The following DST variants were observed in gnomAD, a reference collection of about 807,000 sequenced individuals.
The protein encoded by DST is bullous pemphigoid antigen.
Under a neutral mutation model 875.2 loss-of-function variants are expected in DST, and 253 were observed. That is an observed-to-expected ratio of 0.29 (90% confidence interval 0.26 to 0.32). DST has a LOEUF of 0.32. Ranked by LOEUF, DST falls within the 10% of genes least tolerant of loss-of-function variation. The probability of loss-of-function intolerance (pLI) is 1.00; values close to 1 mark genes in which losing one functional copy is unlikely to be tolerated. For synonymous variants in DST, 3,124 were observed against 3,197.1 expected, an observed-to-expected ratio of 0.98 and a Z score of 0.77; for missense variants, 8,287 against 9,111.6, an observed-to-expected ratio of 0.91 and a Z score of 3.68.
At chr6:56,934,568 A>AT (rs1811985480) in intron 2 of DST, among the ~76,000 whole-genome samples, 1 of 136,564 alleles carries the variant, frequency 7.3e-6, no homozygotes, top group African/African-American at 2.7e-5. Flanking sequence ...TATTATATAT[A>AT]TATATATATA....
At position 56,605,591 on chromosome 6, in the gene DST, G is replaced by A; in HGVS notation, c.9037C>T (p.His3013Tyr). Residue 3013 changes from histidine (H) to tyrosine (Y), a missense_variant, in exon 40 of 104, where the codon CAT becomes TAT. Physicochemically the swap from His to Tyr is moderately conservative, Grantham distance 83 (BLOSUM62 2). This residue lies in a region of DST where 3,138 missense variants were observed against 3,116.6 expected (regional missense o/e 1.01). Coordinates refer to ENST00000680361, the MANE Select transcript of DST (RefSeq NM_001374736.1). ...GTTACAGAGGCTATCAATGACAAAT[G>A]GCTTTCCTCAGCAGGTTTTCCTATT... ...DLIGKPAEES[H>Y]LSLIASVTDK... is the part of the protein sequence containing the mutation. The A allele has an allele frequency of 6.2e-7, 1 of 1,613,014 alleles. No homozygotes were observed.
rs576325231 is a variant in DST at position 56,716,377 on chromosome 6, T to C, written c.688-12008A>G. ...TACGCAAAATCATTTGCTTGAACCT[T>C]TTCCACAAAATGAATCATAGACTTA... On this transcript the variant is annotated intron_variant, in intron 5 of 103. Coordinates refer to ENST00000680361, the MANE Select transcript of DST (RefSeq NM_001374736.1). Among the ~76,000 whole-genome samples, 38 of 152,330 alleles carry C rather than the reference T, an allele frequency of 2.5e-4. No homozygotes were observed. In the South Asian group the frequency reaches 7.7e-3, roughly 31 times the overall value.
chr6:56,860,770 C>A (rs985316629), intron 3 of DST, among the ~76,000 whole-genome samples: 1 of 152,198 alleles, frequency 6.6e-6, no homozygotes, highest in Non-Finnish European at 1.5e-5. Flanking sequence ...AACAGAGACA[C>A]AGAAACTAGA....
Position 56,720,958 on chromosome 6 carries a change from C to T in DST, c.687+14270G>A, listed in dbSNP as rs1052334459. Among the ~76,000 whole-genome samples, 8 of 152,002 alleles carry T rather than the reference C, an allele frequency of 5.3e-5. No homozygotes were observed. In the South Asian group the frequency reaches 1.0e-3, roughly 20 times the overall value. ...GCAGAGGGGCCCCCCACCCCCCAGA[C>T]GGGGCAGCCGGGCAGAGGCGCCCCC... On this transcript the variant is annotated intron_variant, in intron 5 of 103. Transcript: ENST00000680361.
intron 9 of DST, among the ~76,000 whole-genome samples, chr6:56,675,834 G>A (rs970236990): frequency 3.3e-5 from 5 of 151,960 alleles, no homozygotes; most frequent in African/African-American, 1.2e-4. Context: ...CCTGGTGAGA[G>A]AGCAATGCTC....
intron 2 of DST, among the ~76,000 whole-genome samples, chr6:56,931,227 C>T (rs940832894): frequency 1.3e-5 from 2 of 152,092 alleles, no homozygotes; most frequent in Admixed American, 6.5e-5. Flanking sequence ...AGTGCTGTGG[C>T]TTCAGAGGGT....
Position 56,458,839 on chromosome 6 carries a change from A to G in DST, c.*166T>C. The G allele has an allele frequency of 1.3e-6, 1 of 772,368 alleles. No individual in the cohort carries two copies. Among genetic ancestry groups the G allele is most frequent in the Non-Finnish European group, 1.9e-6 (1 of 529,826 alleles). The allele number at this position is 772,368 out of a possible 1,614,324, so 47.8% of individuals were successfully genotyped here. On this transcript the variant is annotated 3_prime_UTR_variant, in exon 104 of 104. Transcript: ENST00000680361. ...CTTTAACCCCAGAATATCTGACAAA[A>G]AAAATTATACAGATAAAATAAAAAG...
intron 90 of DST, among the ~76,000 whole-genome samples, chr6:56,479,782 G>A (rs888779108): frequency 9.2e-5 from 14 of 152,302 alleles, no homozygotes; most frequent in East Asian, 7.7e-4. Flanking sequence ...AAAAAGCACG[G>A]AGGATCACAG....
chr6:56,950,044 T>C (rs1821564365), intron 2 of DST, among the ~76,000 whole-genome samples: 1 of 152,214 alleles, frequency 6.6e-6, no homozygotes, highest in African/African-American at 2.4e-5. Flanking sequence ...TCAATTTCTT[T>C]CAGTGAAAAT....
At chr6:56,571,882 A>G (rs1018586291) in intron 53 of DST, among the ~76,000 whole-genome samples, 1 of 152,320 alleles carries the variant, frequency 6.6e-6, no homozygotes, top group South Asian at 2.1e-4. Flanking sequence ...TTCCACTTTT[A>G]TGTAAGAAGT....
Position 56,608,484 on chromosome 6 carries a change from T to C in DST, c.6144A>G (p.Ala2048=). ...NPAKRLTVDE[A]VQCDLITSSS... ...TGGAAGTTATTAAATCACACTGTAC[T>C]GCTTCGTCTACAGTTAAACGCTTGG... Residue 2048 remains alanine (A), a synonymous_variant, in exon 40 of 104, where the codon GCA becomes GCG. Coordinates refer to ENST00000680361, the MANE Select transcript of DST (RefSeq NM_001374736.1). 6.2e-7 allele frequency: 1 copy of C among 1,613,724 alleles called. No individual in the cohort carries two copies. The highest frequency in any genetic ancestry group is 1.3e-5 in the African/African-American group (1 of 75,044).
At chr6:56,628,317 C>T (rs1459467352) in intron 32 of DST, among the ~76,000 whole-genome samples, 156 bp from the exon 33 acceptor site, 1 of 152,196 alleles carries the variant, frequency 6.6e-6, no homozygotes, top group Non-Finnish European at 1.5e-5. Context: ...CCCTGAGGCA[C>T]ACCCCCAAGG....
At chr6:56,587,502 G>A (rs1315904266) in intron 49 of DST, among the ~76,000 whole-genome samples, 2 of 152,106 alleles carry the variant, frequency 1.3e-5, no homozygotes, top group Non-Finnish European at 2.9e-5. Context: ...ATATTATCCA[G>A]GAGAACTTCC....
rs574726430 is a variant in DST, at chr6:56,482,954, T to C, written c.21208-77A>G. The C allele has an allele frequency of 1.1e-4, 121 of 1,119,882 alleles. No homozygotes were observed. The Middle Eastern group carries it at 1.3e-3, about 12-fold the overall frequency. The allele number at this position is 1,119,882 out of a possible 1,614,324, so 69.4% of individuals were successfully genotyped here. A position where few individuals can be genotyped will look rare whatever the true frequency, so the allele number is the denominator to read the frequency against. On this transcript the variant is annotated intron_variant, in intron 88 of 103. Coordinates refer to ENST00000680361, the MANE Select transcript of DST (RefSeq NM_001374736.1). ...CAACACATACTGTTTGAGATATATA[T>C]GTGCACATAACATCATGTAAAGATA...
chr6:56,584,069 G>A (rs1462999202), intron 49 of DST, among the ~76,000 whole-genome samples: 24 of 152,030 alleles, frequency 1.6e-4, no homozygotes, highest in Admixed American at 6.6e-4. Flanking sequence ...TTGACTTGGC[G>A]ATGCGGGCTC....
chr6:56,619,535 T>C (rs1343546543), intron 36 of DST: 3 of 1,613,020 alleles, frequency 1.9e-6, no homozygotes, highest in South Asian at 2.2e-5. Context: ...ATGCTGAATA[T>C]TCTTCTCAGC....
intron 5 of DST, among the ~76,000 whole-genome samples, chr6:56,704,822 G>A (rs1313524152): frequency 6.6e-6 from 1 of 152,188 alleles, no homozygotes; most frequent in Admixed American, 6.5e-5. Flanking sequence ...TGAGCTGGGT[G>A]AAGAGTATGA....
chr6:56,614,595 G>T, intron 36 of DST, 111 bp from the exon 37 acceptor site: 1 of 1,331,650 alleles, frequency 7.5e-7, no homozygotes, highest in Non-Finnish European at 9.6e-7. Flanking sequence ...ATCACACACA[G>T]GTTACTAAAA....
chr6:56,463,826 C>A (rs138743151), intron 100 of DST, 62 bp from the exon 101 acceptor site: 1 of 1,558,468 alleles, frequency 6.4e-7, no homozygotes, highest in Non-Finnish European at 8.8e-7. Flanking sequence ...GGCGCTCAAT[C>A]GTTAATGGGA....
Sources: allele counts gnomAD v4.1 joint callset (sites outside exome capture counted in the v4.1 genomes callset), GRCh38; gene constraint gnomAD v4.1.1; regional missense constraint gnomAD v4.1.1; transcripts MANE v1.5; gene names NCBI Gene and HGNC (gene_info 2026-07-23, HGNC 2026-07-21).